SREBF1: variants seen among roughly 807,000 people sequenced by gnomAD.
SREBF1 encodes the protein sterol regulatory element-binding protein 1.
In SREBF1, 45 loss-of-function variants were observed where a neutral mutation model predicts 100.1. That is an observed-to-expected ratio of 0.45 (90% CI 0.35 to 0.58). The LOEUF (loss-of-function observed/expected upper bound fraction) is 0.58, where lower values mean the gene tolerates loss of function less well. Ranked by LOEUF, SREBF1 falls within the 20% of genes least tolerant of loss-of-function variation. The probability of loss-of-function intolerance (pLI) is 0.00; values close to 1 mark genes in which losing one functional copy is unlikely to be tolerated. For synonymous variants in SREBF1, 657 were observed against 681.8 expected, an observed-to-expected ratio of 0.96 and a Z score of 0.57; for missense variants, 1,324 against 1,539.4, an observed-to-expected ratio of 0.86 and a Z score of 2.34.
At position 17,819,538 on chromosome 17, in the gene SREBF1, C is replaced by G. The variant is rs13306742; in HGVS notation, c.711G>C (p.Pro237=). 7.7e-5 allele frequency: 125 copies of G among 1,613,604 alleles called. 1 individual carries two copies. In the East Asian group the frequency reaches 2.8e-3, roughly 36 times the overall value. The part of the protein sequence containing the change: ...TTVTSQIQQV[P]VLLQPHFIKA... Reference sequence around the variant, plus strand: ...CCAACCCCTGGCCAGACCCCCTCACCGGGACCTGCTGGATCTGCGAGGTCA... The same window carrying G: ...CCAACCCCTGGCCAGACCCCCTCACGGGGACCTGCTGGATCTGCGAGGTCA... Residue 237 remains proline (P), a splice_region_variant and synonymous_variant, in exon 3 of 19, where the codon CCG becomes CCC. Coordinates refer to ENST00000261646, the MANE Select transcript of SREBF1 (RefSeq NM_004176.5).
At position 17,813,625 on chromosome 17, in the gene SREBF1, G is replaced by T. The variant is rs775381502; in HGVS notation, c.3046C>A (p.Arg1016=). 2 of 1,584,436 alleles carry T rather than the reference G, an allele frequency of 1.3e-6. No individual in the cohort carries two copies. Among genetic ancestry groups the T allele is most frequent in the Middle Eastern group, 1.7e-4 (1 of 6,036 alleles). The change falls in exon 17 of 19, where the codon CGG becomes AGG. Residue 1016 remains arginine, a synonymous_variant. Transcript: ENST00000261646. ...AGCCGCCTCAGGCTGCTCAGGTCCC[G>T]TTGGAAGCCACGCAGCTCAAGGGCG... ...ASALELRGFQ[R]DLSSLRRLAQ...
chr17:17,814,501 G>A, intron 15 of SREBF1, 91 bp from the exon 16 acceptor site: 3 of 1,537,356 alleles, frequency 2.0e-6, no homozygotes, highest in East Asian at 4.9e-5. Flanking sequence ...GTTCCCTGAG[G>A]AAAAAAGGTG....
intron 1 of SREBF1, among the ~76,000 whole-genome samples, chr17:17,821,786 G>C (rs2034121318): frequency 6.6e-6 from 1 of 152,186 alleles, no homozygotes; most frequent in Non-Finnish European, 1.5e-5. Context: ...CCCCAGATCA[G>C]AGCAGGGTCC....
At chr17:17,832,444 G>A (rs2034916460) in intron 1 of SREBF1, among the ~76,000 whole-genome samples, 1 of 152,148 alleles carries the variant, frequency 6.6e-6, no homozygotes, top group Non-Finnish European at 1.5e-5. Context: ...GGCCAGCCTG[G>A]CCCCCTCTTA....
chr17:17,820,140 C>A lies in SREBF1; in HGVS notation c.473G>T (p.Ser158Ile). The change falls in exon 2 of 19, where the codon AGC becomes ATC. Residue 158 changes from serine (S) to isoleucine (I), a missense_variant. Physicochemically the swap from Ser to Ile is moderately radical, Grantham distance 142. Transcript: ENST00000261646. ...GGGGTAGCCTAACACAGGGGTGGAG[C>A]TGAACTGCGGTGGGGCTGGGGCTGG... ...SFPAPAPPQFSSTPVLGYPSP... is the reference protein window; with the variant it reads ...SFPAPAPPQFISTPVLGYPSP... 6.2e-7 allele frequency: 1 copy of A among 1,613,054 alleles called. No homozygotes were observed. The highest frequency in any genetic ancestry group is 1.7e-4 in the Middle Eastern group (1 of 5,850).
rs1308614307 is a variant in SREBF1 at position 17,811,756 on chromosome 17, C to CAG, written c.*864_*865dup. The CAG allele has an allele frequency of 2.2e-6, 1 of 454,976 alleles. No individual in the cohort carries two copies. Among genetic ancestry groups the CAG allele is most frequent in the African/African-American group, 2.0e-5 (1 of 50,028 alleles). 28.2% of individuals were successfully genotyped at this position (454,976 alleles called of 1,614,324 possible). On this transcript the variant is annotated 3_prime_UTR_variant, in exon 19 of 19. Coordinates refer to ENST00000261646, the MANE Select transcript of SREBF1 (RefSeq NM_004176.5). The stretch of plus-strand genomic sequence containing the variant: ...CTGTCACACAACAGGTCCTGGAAGT[C>CAG]AGTCCATCCTCCCGTGCCACCCAGG...
chr17:17,827,401 AT>A (rs2034557405), intron 1 of SREBF1, among the ~76,000 whole-genome samples: 1 of 152,188 alleles, frequency 6.6e-6, no homozygotes, highest in East Asian at 1.9e-4. Context: ...CGGCCTGCTA[AT>A]GGAGGCAGCA....
rs8064706 is a variant in SREBF1, at chr17:17,812,355, G to T, written c.*267C>A. 6,783 of 574,952 alleles carry T rather than the reference G, an allele frequency of 0.012. 355 individuals are homozygous for T. The highest frequency in any genetic ancestry group is 0.11 in the African/African-American group (5,742 of 52,448). The allele number at this position is 574,952 out of a possible 1,614,324, so 35.6% of individuals were successfully genotyped here. A position where few individuals can be genotyped will look rare whatever the true frequency, so the allele number is the denominator to read the frequency against. ...AAAAAGCCACTAAGGTGCCTGCAGA[G>T]CAAGGAGGGGGGCCCCCCAAAATGG... On this transcript the variant is annotated 3_prime_UTR_variant, in exon 19 of 19. Transcript: ENST00000261646.
rs375304529 is a variant in SREBF1 at position 17,819,246 on chromosome 17, G to A, written c.847-12C>T. On this transcript the variant is annotated splice_polypyrimidine_tract_variant and intron_variant, in intron 4 of 18. Coordinates refer to ENST00000261646, the MANE Select transcript of SREBF1 (RefSeq NM_004176.5). ...CCACTCACCAGGGTCTGCAGGGCCA[G>A]GCACATGTTACCAGGTGGGCATGTG... 2.5e-4 allele frequency: 410 copies of A among 1,613,816 alleles called. No homozygotes were observed. Among genetic ancestry groups the A allele is most frequent in the Non-Finnish European group, 3.2e-4 (381 of 1,180,050 alleles).
At chr17:17,825,343 G>C (rs1396913539) in intron 1 of SREBF1, among the ~76,000 whole-genome samples, 1 of 152,206 alleles carries the variant, frequency 6.6e-6, no homozygotes, top group African/African-American at 2.4e-5. Flanking sequence ...CGATGGGAGA[G>C]GGCGGTTGCT....
rs1248153167 is a variant in SREBF1 at position 17,816,807 on chromosome 17, G to A, written c.1786-89C>T. 7 of 1,572,610 alleles carry A rather than the reference G, an allele frequency of 4.5e-6. No individual in the cohort carries two copies. In the South Asian group the frequency reaches 8.0e-5, roughly 18 times the overall value. ...GAGCCGTCCACAGCAGGCTCTGGAG[G>A]GGTGGTGGGGGTCTGCGGATGCGTG... On this transcript the variant is annotated intron_variant, in intron 9 of 18. Coordinates refer to ENST00000261646, the MANE Select transcript of SREBF1 (RefSeq NM_004176.5).
At chr17:17,834,958 G>A (rs1424769532) in intron 1 of SREBF1, among the ~76,000 whole-genome samples, 2 of 152,122 alleles carry the variant, frequency 1.3e-5, no homozygotes, top group Admixed American at 6.5e-5. Flanking sequence ...AGCTTGCAGT[G>A]AGCCAAAATT....
At position 17,814,904 on chromosome 17, in the gene SREBF1, T is replaced by C. The variant is rs776981703; in HGVS notation, c.2533A>G (p.Ser845Gly). The part of the protein sequence containing the change: ...DALGYLQLLN[S>G]CSDAAGAPAY... ...GGAGCCCCCGCAGCATCAGAACAGC[T>C]GTTCAGCAGCTGCAGGTACCCGAGG... is the stretch of plus-strand genomic sequence containing the variant. The change falls in exon 14 of 19, where the codon AGC becomes GGC. Residue 845 changes from serine to glycine, a missense_variant. By Grantham distance (56) the Ser-to-Gly change is moderately conservative. Transcript: ENST00000261646. The C allele has an allele frequency of 6.3e-7, 1 of 1,580,518 alleles. No individual in the cohort carries two copies. The highest frequency in any genetic ancestry group is 8.6e-7 in the Non-Finnish European group (1 of 1,163,900).
chr17:17,833,458 T>A (rs1267728184), intron 1 of SREBF1, among the ~76,000 whole-genome samples: 7 of 119,246 alleles, frequency 5.9e-5, no homozygotes, highest in South Asian at 2.7e-4. Flanking sequence ...AAAATATATA[T>A]ATATATATAT....
Position 17,816,593 on chromosome 17 carries a change from C to T in SREBF1, c.1911G>A (p.Gln637=), listed in dbSNP as rs2033617133. 1.2e-6 allele frequency: 2 copies of T among 1,606,194 alleles called. No individual in the cohort carries two copies. The highest frequency in any genetic ancestry group is 2.7e-5 in the African/African-American group (2 of 74,872). Reference sequence around the variant, plus strand: ...CCAGCCAGCGGCCCACCCAGAGACGCTGCAGCAGGTGACGGATGAGGTTCC... The same window carrying T: ...CCAGCCAGCGGCCCACCCAGAGACGTTGCAGCAGGTGACGGATGAGGTTCC... ...LLWNLIRHLL[Q]RLWVGRWLAG... Residue 637 remains glutamine, a synonymous_variant, in exon 10 of 19, where the codon CAG becomes CAA. Transcript: ENST00000261646.
chr17:17,835,308 G>A (rs1003528338), intron 1 of SREBF1, among the ~76,000 whole-genome samples: 2 of 152,156 alleles, frequency 1.3e-5, no homozygotes, highest in Non-Finnish European at 2.9e-5. Flanking sequence ...ACTCCAGAGG[G>A]CAGTGAAGGA....
intron 5 of SREBF1, 115 bp downstream of exon 5, chr17:17,818,898 T>C (rs2033861671): frequency 7.8e-7 from 1 of 1,281,418 alleles, no homozygotes. Flanking sequence ...GGAGGCTGAA[T>C]TCCAATTCCC....
rs770029528 is a variant in SREBF1 at position 17,819,201 on chromosome 17, C to A, written c.880G>T (p.Val294Phe). 6.2e-7 allele frequency: 1 copy of A among 1,614,168 alleles called. No individual in the cohort carries two copies. The highest frequency in any genetic ancestry group is 1.1e-5 in the South Asian group (1 of 91,090). ...TTCTCCGCATCTACGACCAGTGGGA[C>A]TGTTGCCAAGATGGTTCCGCCACTC... ...LVSGGTILAT[V>F]PLVVDAEKLP... The change falls in exon 5 of 19, where the codon GTC (valine) becomes TTC (phenylalanine). Residue 294 changes from valine to phenylalanine, a missense_variant. Coordinates refer to ENST00000261646, the MANE Select transcript of SREBF1 (RefSeq NM_004176.5).
chr17:17,824,975 C>G lies in SREBF1; in HGVS notation c.92-4454G>C, dbSNP rs2034392253. ...CCTCCCCTCAGCCCGCGGGTGTTCC[C>G]TCACCCCCAAAACAAAACACAGCAT... On this transcript the variant is annotated intron_variant, in intron 1 of 18. Transcript: ENST00000261646. The surrounding 1 kb of genome is among the most constrained non-coding windows in gnomAD (Gnocchi z 4.2). Among the ~76,000 whole-genome samples the G allele has an allele frequency of 1.3e-5, 2 of 152,204 alleles. No individual in the cohort carries two copies.
Sources: allele counts gnomAD v4.1 joint callset (sites outside exome capture counted in the v4.1 genomes callset), GRCh38; gene constraint gnomAD v4.1.1; non-coding constraint Gnocchi (gnomAD v3.1); transcripts MANE v1.5; gene names NCBI Gene and HGNC (gene_info 2026-07-23, HGNC 2026-07-21).